The following MGAT4C variants were observed in gnomAD, a reference collection of about 807,000 sequenced individuals.
The protein encoded by MGAT4C is MGAT4 family member C, also known as alpha-1,3-mannosyl-glycoprotein 4-beta-N-acetylglucosaminyltransferase C.
In MGAT4C, 19 loss-of-function variants were observed where a neutral mutation model predicts 40.1. The observed-to-expected ratio is 0.47, with a 90% confidence interval of 0.33 to 0.70. The LOEUF is 0.70. MGAT4C is among the 30% of genes least tolerant of loss of function. MGAT4C has a pLI of 0.02. For missense variants in MGAT4C, 491 were observed against 563.2 expected (o/e 0.87, Z 1.30); for synonymous variants, 181 against 187.1 (o/e 0.97, Z 0.27).
chr12:86,348,716 T>A (rs77021991), intron 3 of MGAT4C, among the ~76,000 whole-genome samples: 1,565 of 152,204 alleles, frequency 0.01, 19 homozygotes, highest in East Asian at 0.045. Flanking sequence ...AGTTGTTTAA[T>A]TTTTTTAAAA....
chr12:85,999,074 G>T (rs1376195823), intron 2 of MGAT4C, among the ~76,000 whole-genome samples: 1 of 152,164 alleles, frequency 6.6e-6, no homozygotes, highest in African/African-American at 2.4e-5. Flanking sequence ...AACAAGTCAT[G>T]TCTTACATGG....
intron 1 of MGAT4C, among the ~76,000 whole-genome samples, chr12:86,774,190 G>A (rs1951689916): frequency 6.6e-6 from 1 of 151,802 alleles, no homozygotes; most frequent in South Asian, 2.1e-4. Flanking sequence ...CTGACCTCGA[G>A]TGATCTGTCC....
At chr12:86,273,548 CTTTAAT>C (rs931265626) in intron 4 of MGAT4C, among the ~76,000 whole-genome samples, 15 of 152,186 alleles carry the variant, frequency 9.9e-5, no homozygotes, top group African/African-American at 3.6e-4. Flanking sequence ...CATACATAAT[CTTTAAT>C]TTTAAGTGAA....
intron 2 of MGAT4C, among the ~76,000 whole-genome samples, chr12:86,439,216 CAT>C (rs1957186886): frequency 6.6e-6 from 1 of 151,914 alleles, no homozygotes. Context: ...AGATAGAACA[CAT>C]AACAAACCAC....
intron 2 of MGAT4C, among the ~76,000 whole-genome samples, chr12:86,536,156 A>C (rs900333545): frequency 6.6e-6 from 1 of 152,074 alleles, no homozygotes; most frequent in African/African-American, 2.4e-5. Flanking sequence ...GCTAACCTTT[A>C]ATTTTTTCAT....
intron 1 of MGAT4C, among the ~76,000 whole-genome samples, chr12:86,819,089 C>G (rs1952657428): frequency 6.6e-6 from 1 of 150,908 alleles, no homozygotes; most frequent in Non-Finnish European, 1.5e-5. Flanking sequence ...GTAATTTTCT[C>G]TTTTCTAAGT....
rs76013772 is a variant in MGAT4C at position 86,049,923 on chromosome 12, G to A, written c.-56-200C>T. On this transcript the variant is annotated intron_variant, in intron 1 of 4. Transcript: ENST00000611864. Reference sequence around the variant, plus strand: ...AATTTATCTGTGTATGCATGTCACAGAATAGACATACCTTTGTATTAAGTT... The same window carrying A: ...AATTTATCTGTGTATGCATGTCACAAAATAGACATACCTTTGTATTAAGTT... Among the ~76,000 whole-genome samples the A allele has an allele frequency of 4.6e-3, 703 of 151,932 alleles. 3 individuals are homozygous for A. The highest frequency in any genetic ancestry group is 6.8e-3 in the Non-Finnish European group (460 of 67,860).
chr12:86,243,706 A>G (rs1436636597), intron 1 of MGAT4C, among the ~76,000 whole-genome samples: 1 of 152,102 alleles, frequency 6.6e-6, no homozygotes, highest in Non-Finnish European at 1.5e-5. Flanking sequence ...AAGAAACAGA[A>G]TTCTGCCAAA....
At chr12:86,324,991 T>C (rs900683052) in intron 4 of MGAT4C, among the ~76,000 whole-genome samples, 1 of 152,134 alleles carries the variant, frequency 6.6e-6, no homozygotes, top group Non-Finnish European at 1.5e-5. Flanking sequence ...TTCTGTTACT[T>C]GGTATAAAAT....
rs539805749 is a variant in MGAT4C, at chr12:86,307,699, A to C, written c.-57+26366T>G. Reference sequence around the variant, plus strand: ...TGTTTGAGTACAATTTCTTTCTTTTATTTTATTTATTTATTTTTTTTGAGA... The same window carrying C: ...TGTTTGAGTACAATTTCTTTCTTTTCTTTTATTTATTTATTTTTTTTGAGA... On this transcript the variant is annotated intron_variant, in intron 4 of 7. Transcript: ENST00000548651. Among the ~76,000 whole-genome samples, 29 of 149,764 alleles carry C rather than the reference A, an allele frequency of 1.9e-4. 1 individual carries two copies. The highest frequency in any genetic ancestry group is 2.0e-4 in the East Asian group (1 of 5,114).
chr12:86,700,158 CAGACAG>C (rs1950335722), intron 2 of MGAT4C, among the ~76,000 whole-genome samples: 1 of 26,836 alleles, frequency 3.7e-5, no homozygotes, highest in Non-Finnish European at 1.3e-4. Context: ...GACAGACAGA[CAGACAG>C]ACAGACAGAC....
intron 1 of MGAT4C, among the ~76,000 whole-genome samples, chr12:86,141,701 A>G (rs1456981767): frequency 1.3e-5 from 2 of 152,160 alleles, no homozygotes; most frequent in African/African-American, 4.8e-5. Context: ...CCTAATGTTC[A>G]AGTTTAGCTT....
intron 2 of MGAT4C, among the ~76,000 whole-genome samples, chr12:86,531,878 A>T (rs886598704): frequency 6.6e-6 from 1 of 152,010 alleles, no homozygotes; most frequent in Non-Finnish European, 1.5e-5. Flanking sequence ...TTTAATAAAC[A>T]TGAAATCCCT....
chr12:86,420,771 C>T (rs1049341754), intron 3 of MGAT4C, among the ~76,000 whole-genome samples: 1 of 141,714 alleles, frequency 7.1e-6, no homozygotes, highest in Non-Finnish European at 1.5e-5. Flanking sequence ...TAAATATTTA[C>T]CTGACATATA....
chr12:86,599,704 A>G (rs1215340387), intron 2 of MGAT4C: 1 of 152,178 alleles, frequency 6.6e-6, no homozygotes. Context: ...TCCTCTCTAA[A>G]TTCACAGAAG....
chr12:86,734,704 C>T (rs1950958897), intron 1 of MGAT4C, among the ~76,000 whole-genome samples: 1 of 152,062 alleles, frequency 6.6e-6, no homozygotes, highest in African/African-American at 2.4e-5. Context: ...CAAACCAGAT[C>T]TGTCAGAGCC....
chr12:86,289,268 G>T (rs1478922103), intron 4 of MGAT4C, among the ~76,000 whole-genome samples: 10 of 142,562 alleles, frequency 7.0e-5, no homozygotes, highest in Non-Finnish European at 1.6e-4. Context: ...TAGTCTACGT[G>T]TTTGTTTTTG....
At chr12:86,462,162 T>A (rs557901857) in intron 2 of MGAT4C, among the ~76,000 whole-genome samples, 13 of 152,362 alleles carry the variant, frequency 8.5e-5, no homozygotes, top group African/African-American at 2.9e-4. Context: ...TTTAGTTCAC[T>A]ATAAAATGGG....
intron 2 of MGAT4C, among the ~76,000 whole-genome samples, chr12:86,598,341 A>G (rs765677592): frequency 1.3e-5 from 2 of 152,144 alleles, no homozygotes; most frequent in Non-Finnish European, 2.9e-5. Context: ...AATAAAGAAA[A>G]CATTAAAACC....
Sources: gnomAD v4.1 joint callset for allele counts (sites outside exome capture counted in the v4.1 genomes callset) on GRCh38, gnomAD v4.1.1 for gene constraint, MANE v1.5 for transcripts, NCBI Gene and HGNC (gene_info 2026-07-23, HGNC 2026-07-21) for gene names.